Variants in XKR6 observed in about 807,000 individuals in gnomAD.
XKR6 encodes the protein XK related 6.
In XKR6, 22 loss-of-function variants were observed where a neutral mutation model predicts 56.7. The ratio of observed to expected loss-of-function variants is 0.39; its 90% CI spans 0.28 to 0.55. The LOEUF is 0.55. XKR6 is among the 20% of genes least tolerant of loss of function. The probability of loss-of-function intolerance (pLI) is 0.66; values close to 1 mark genes in which losing one functional copy is unlikely to be tolerated. For synonymous variants in XKR6, 524 were observed against 387.8 expected, an observed-to-expected ratio of 1.35 and a Z score of -4.13; for missense variants, 852 against 889.0, an observed-to-expected ratio of 0.96 and a Z score of 0.53.
intron 1 of XKR6, among the ~76,000 whole-genome samples, chr8:11,088,240 T>C (rs183204003): frequency 1.5e-5 from 2 of 136,218 alleles, no homozygotes; most frequent in African/African-American, 3.1e-5. Context: ...TTGTTAAATA[T>C]CTACTTGAGC....
chr8:11,181,796 A>G (rs1005939311), intron 1 of XKR6, among the ~76,000 whole-genome samples: 1 of 152,194 alleles, frequency 6.6e-6, no homozygotes, highest in Non-Finnish European at 1.5e-5. Flanking sequence ...GCATGTATTA[A>G]TTCTTAACTC....
chr8:11,056,897 C>G (rs548896724), intron 1 of XKR6, among the ~76,000 whole-genome samples: 25 of 152,254 alleles, frequency 1.6e-4, no homozygotes, highest in Non-Finnish European at 3.4e-4. Context: ...CTAGTCTCAC[C>G]CTTCAGGTCT....
chr8:11,137,319 G>C (rs1346571311), intron 1 of XKR6: 25 of 316,314 alleles, frequency 7.9e-5, no homozygotes, highest in South Asian at 6.1e-4. Flanking sequence ...ATACATATCA[G>C]AGCATAAGTG....
intron 1 of XKR6, among the ~76,000 whole-genome samples, chr8:11,140,238 A>T (rs1441417324): frequency 3.9e-5 from 6 of 152,212 alleles, no homozygotes; most frequent in Non-Finnish European, 5.9e-5. Flanking sequence ...AAAAGCAACA[A>T]TGAAGCAATG....
At chr8:11,142,633 T>C (rs371728994) in intron 1 of XKR6, among the ~76,000 whole-genome samples, 1 of 152,194 alleles carries the variant, frequency 6.6e-6, no homozygotes, top group African/African-American at 2.4e-5. Context: ...CCATGTGAGA[T>C]GCCTTCTCCC....
intron 1 of XKR6, among the ~76,000 whole-genome samples, chr8:10,965,178 C>T (rs1015373423): frequency 3.3e-5 from 5 of 152,246 alleles, no homozygotes; most frequent in African/African-American, 1.2e-4. Context: ...TGTGGACACA[C>T]GTCCTTCTTA....
chr8:11,004,738 T>A (rs945856074), intron 1 of XKR6, among the ~76,000 whole-genome samples: 2 of 152,160 alleles, frequency 1.3e-5, no homozygotes, highest in African/African-American at 4.8e-5. Flanking sequence ...TAATTGTATA[T>A]CCATGTTCAC....
chr8:11,072,128 C>G (rs1341201204), intron 1 of XKR6, among the ~76,000 whole-genome samples: 1 of 152,230 alleles, frequency 6.6e-6, no homozygotes. Context: ...ACAGTCAACC[C>G]ACATCAGTGA....
chr8:10,962,263 C>T (rs985113786), intron 1 of XKR6, among the ~76,000 whole-genome samples: 4 of 152,164 alleles, frequency 2.6e-5, no homozygotes, highest in Non-Finnish European at 5.9e-5. Flanking sequence ...AATAGAGGTG[C>T]TATCAAGTCA....
At chr8:11,145,483 C>T (rs1014628817) in intron 1 of XKR6, among the ~76,000 whole-genome samples, 4 of 151,830 alleles carry the variant, frequency 2.6e-5, no homozygotes, top group South Asian at 4.2e-4. Flanking sequence ...TTCCCATAGC[C>T]GCTACCAAAA....
Position 11,201,365 on chromosome 8 carries a change from G to C in XKR6, c.-26C>G. ...CTTGACTCTCTTCCCAGCTCCGGAG[G>C]TTGGGGGGGAGGGACGGCGGGGGGG... On this transcript the variant is annotated 5_prime_UTR_variant, in exon 1 of 3. Coordinates refer to ENST00000416569, the MANE Select transcript of XKR6 (RefSeq NM_173683.4). The C allele has an allele frequency of 6.9e-7, 1 of 1,458,798 alleles. No homozygotes were observed. The highest frequency in any genetic ancestry group is 9.0e-7 in the Non-Finnish European group (1 of 1,111,252). The allele number at this position is 1,458,798 out of a possible 1,614,324, so 90.4% of individuals were successfully genotyped here.
chr8:11,144,870 G>C (rs1205127416), intron 1 of XKR6, among the ~76,000 whole-genome samples: 4 of 151,076 alleles, frequency 2.6e-5, no homozygotes, highest in Non-Finnish European at 5.9e-5. Flanking sequence ...GGGTAGGGAG[G>C]GGAAAGGAGA....
intron 1 of XKR6, among the ~76,000 whole-genome samples, chr8:11,070,855 G>T (rs1311899484): frequency 6.6e-6 from 1 of 152,216 alleles, no homozygotes; most frequent in African/African-American, 2.4e-5. Context: ...GAAGCCTTCT[G>T]CCTTCCTGCC....
chr8:10,962,489 T>G (rs1344508874), intron 1 of XKR6, among the ~76,000 whole-genome samples: 1 of 152,156 alleles, frequency 6.6e-6, no homozygotes, highest in East Asian at 1.9e-4. Flanking sequence ...AAGGCTCAAA[T>G]GTATTTTTGT....
chr8:11,184,089 T>A (rs1386726278), intron 1 of XKR6, among the ~76,000 whole-genome samples: 1 of 152,128 alleles, frequency 6.6e-6, no homozygotes, highest in African/African-American at 2.4e-5. Flanking sequence ...ACAAAAAAAT[T>A]ATCTCATACA....
chr8:11,081,213 C>G (rs1344062612), intron 1 of XKR6, among the ~76,000 whole-genome samples: 2 of 152,182 alleles, frequency 1.3e-5, no homozygotes, highest in South Asian at 2.1e-4. Context: ...GTTGCTTCCA[C>G]AGAAAACTAG....
chr8:10,948,783 C>A (rs1156317744), intron 1 of XKR6, among the ~76,000 whole-genome samples: 1 of 152,222 alleles, frequency 6.6e-6, no homozygotes, highest in Non-Finnish European at 1.5e-5. Context: ...CCGTGTCCAC[C>A]AGCCCCATTC....
chr8:11,031,607 C>T (rs1412751956), intron 1 of XKR6, among the ~76,000 whole-genome samples: 1 of 152,212 alleles, frequency 6.6e-6, no homozygotes, highest in Non-Finnish European at 1.5e-5. Context: ...TGAGAAGGGG[C>T]TGTCCTCTTA....
At chr8:11,114,727 A>ATGTGTGTG (rs58011023) in intron 1 of XKR6, among the ~76,000 whole-genome samples, 177 of 118,478 alleles carry the variant, frequency 1.5e-3, no homozygotes, top group African/African-American at 2.7e-3. Context: ...TAGATCACAT[A>ATGTGTGTG]TGTGTGTGTG....
Sources: allele counts gnomAD v4.1 joint callset (sites outside exome capture counted in the v4.1 genomes callset), GRCh38; gene constraint gnomAD v4.1.1; transcripts MANE v1.5; gene names NCBI Gene and HGNC (gene_info 2026-07-23, HGNC 2026-07-21).